Variants in AGBL1 observed in about 807,000 individuals in gnomAD.
The protein encoded by AGBL1 is cytosolic carboxypeptidase 4.
AGBL1 carries 130 observed loss-of-function variants against 118.9 expected under a neutral mutation model. The observed-to-expected ratio is 1.09, with a 90% confidence interval of 0.95 to 1.26. The LOEUF is 1.26. AGBL1 is among the 50% of genes most tolerant of loss of function. The pLI is 0.00. For synonymous variants in AGBL1, 555 were observed against 478.9 expected (o/e 1.16, Z -2.08); for missense variants, 1,584 against 1,298.1 (o/e 1.22, Z -3.38).
intron 22 of AGBL1, among the ~76,000 whole-genome samples, chr15:86,885,415 T>C (rs2079955944): frequency 6.6e-6 from 1 of 152,188 alleles, no homozygotes; most frequent in Non-Finnish European, 1.5e-5. Context: ...ACTTGAACAA[T>C]ATGGGAGTCC....
At chr15:86,952,117 G>C (rs1596668656) in intron 23 of AGBL1, among the ~76,000 whole-genome samples, 1 of 151,900 alleles carries the variant, frequency 6.6e-6, no homozygotes, top group East Asian at 1.9e-4. Flanking sequence ...TGTAATCCCA[G>C]CTACTGCAGA....
chr15:86,680,108 T>A (rs2085926245), intron 22 of AGBL1, among the ~76,000 whole-genome samples: 1 of 152,180 alleles, frequency 6.6e-6, no homozygotes, highest in South Asian at 2.1e-4. Flanking sequence ...AACAAAAATA[T>A]TATTTTTCCA....
chr15:86,323,625 G>T (rs558311312), intron 17 of AGBL1, among the ~76,000 whole-genome samples: 2 of 152,128 alleles, frequency 1.3e-5, no homozygotes, highest in Non-Finnish European at 2.9e-5. Context: ...CTTGCCCTTT[G>T]GTGCTAAATG....
chr15:86,957,929 C>T (rs1476205625), intron 23 of AGBL1, among the ~76,000 whole-genome samples: 3 of 151,940 alleles, frequency 2.0e-5, no homozygotes, highest in Non-Finnish European at 4.4e-5. Context: ...AGGCCAGGCA[C>T]GGTGGCTCAC....
chr15:86,858,749 G>C (rs2079520709), intron 22 of AGBL1, among the ~76,000 whole-genome samples: 1 of 152,146 alleles, frequency 6.6e-6, no homozygotes, highest in African/African-American at 2.4e-5. Flanking sequence ...CTGTCATGAA[G>C]AATCAGGAAA....
At chr15:86,127,059 C>T (rs1343628323) in intron 1 of AGBL1, among the ~76,000 whole-genome samples, 1 of 152,166 alleles carries the variant, frequency 6.6e-6, no homozygotes, top group East Asian at 1.9e-4. Context: ...TGGGTAATCT[C>T]TCTTCATAGA....
intron 1 of AGBL1, among the ~76,000 whole-genome samples, chr15:86,091,227 C>A (rs948777274): frequency 2.0e-5 from 3 of 152,088 alleles, no homozygotes; most frequent in African/African-American, 7.2e-5. Context: ...CCTCCCTGTG[C>A]CAGGGAGTGG....
intron 18 of AGBL1, among the ~76,000 whole-genome samples, chr15:86,480,179 A>G (rs2082631501): frequency 6.6e-6 from 1 of 152,046 alleles, no homozygotes; most frequent in Non-Finnish European, 1.5e-5. Context: ...GGCACATGTA[A>G]CAAACCTGCA....
intron 5 of AGBL1, among the ~76,000 whole-genome samples, chr15:86,180,470 C>T (rs2077537165): frequency 6.6e-6 from 1 of 152,046 alleles, no homozygotes; most frequent in Non-Finnish European, 1.5e-5. Flanking sequence ...TCTGGATATT[C>T]ATGTGCAAAT....
chr15:86,463,328 T>C (rs1229903436), intron 18 of AGBL1, among the ~76,000 whole-genome samples: 1 of 151,928 alleles, frequency 6.6e-6, no homozygotes, highest in Non-Finnish European at 1.5e-5. Context: ...CCTTATAGAT[T>C]CTGGATATTA....
At position 86,170,091 on chromosome 15, in the gene AGBL1, T is replaced by C. The variant is rs74025011; in HGVS notation, c.488+11065T>C. On this transcript the variant is annotated intron_variant, in intron 5 of 22. Coordinates refer to ENST00000614907, the MANE Select transcript of AGBL1 (RefSeq NM_001386094.1). ...AAAACCAGAACTGAGATAGATGTTATAATTATTAGGCAAGAACATTAAAGA... is the reference window on the plus strand; with the variant it reads ...AAAACCAGAACTGAGATAGATGTTACAATTATTAGGCAAGAACATTAAAGA... Among the ~76,000 whole-genome samples the C allele has an allele frequency of 9.6e-3, 1,460 of 152,310 alleles. 21 individuals carry two copies. Among genetic ancestry groups the C allele is most frequent in the African/African-American group, 0.034 (1,406 of 41,560 alleles).
At chr15:86,303,262 C>T (rs1357442538) in intron 17 of AGBL1, among the ~76,000 whole-genome samples, 2 of 152,116 alleles carry the variant, frequency 1.3e-5, no homozygotes, top group Non-Finnish European at 2.9e-5. Flanking sequence ...GTGTCTCCCA[C>T]ATAGTGAGTG....
chr15:86,517,640 A>G (rs1392854724), intron 18 of AGBL1, among the ~76,000 whole-genome samples: 1 of 151,838 alleles, frequency 6.6e-6, no homozygotes, highest in Non-Finnish European at 1.5e-5. Context: ...CCTGTGTTAG[A>G]TCTCTTATCT....
chr15:86,360,150 A>T (rs1457154309), intron 17 of AGBL1, among the ~76,000 whole-genome samples: 1 of 151,860 alleles, frequency 6.6e-6, no homozygotes, highest in African/African-American at 2.4e-5. Flanking sequence ...GGCTTTCCCT[A>T]TTGATTATCA....
chr15:86,928,255 AAG>A (rs1338364614), intron 23 of AGBL1, among the ~76,000 whole-genome samples: 1 of 152,166 alleles, frequency 6.6e-6, no homozygotes, highest in East Asian at 1.9e-4. Flanking sequence ...ATGCAGAGCA[AAG>A]AGAGGGCAGA....
intron 24 of AGBL1, among the ~76,000 whole-genome samples, chr15:86,999,134 T>C (rs1248868564): frequency 6.6e-6 from 1 of 150,856 alleles, no homozygotes; most frequent in Non-Finnish European, 1.5e-5. Flanking sequence ...GATAGTTTGC[T>C]GAGAACGATG....
chr15:86,276,013 C>T (rs1215331693), intron 15 of AGBL1, among the ~76,000 whole-genome samples: 1 of 152,100 alleles, frequency 6.6e-6, no homozygotes, highest in Non-Finnish European at 1.5e-5. Flanking sequence ...AAGGTTAGAA[C>T]AGTGTCTAGT....
At chr15:86,163,262 C>T (rs556260805) in intron 5 of AGBL1, among the ~76,000 whole-genome samples, 6 of 152,242 alleles carry the variant, frequency 3.9e-5, no homozygotes, top group African/African-American at 1.4e-4. Flanking sequence ...CGTAGGCAGA[C>T]CCTGTCTCTA....
chr15:86,895,442 G>C (rs2080112002), intron 22 of AGBL1, among the ~76,000 whole-genome samples: 1 of 150,002 alleles, frequency 6.7e-6, no homozygotes, highest in African/African-American at 2.5e-5. Context: ...TATTTCTTGA[G>C]CTCCGTTTTC....
Sources: gnomAD v4.1 joint callset for allele counts (sites outside exome capture counted in the v4.1 genomes callset) on GRCh38, gnomAD v4.1.1 for gene constraint, MANE v1.5 for transcripts, NCBI Gene and HGNC (gene_info 2026-07-23, HGNC 2026-07-21) for gene names.